Variants in NBAS observed in about 807,000 individuals in gnomAD.
NBAS encodes the protein NBAS subunit of NRZ tethering complex, also known as NAG/BC035112 fusion.
In NBAS, 219 loss-of-function variants were observed where a neutral mutation model predicts 302.5. The ratio of observed to expected loss-of-function variants is 0.72; its 90% CI spans 0.65 to 0.81. NBAS has a LOEUF of 0.81. Among genes scored for constraint, NBAS ranks in the 30% least tolerant of loss-of-function variants. The pLI is 0.00. For synonymous variants in NBAS, 1,118 were observed against 1,021.6 expected, an observed-to-expected ratio of 1.09 and a Z score of -1.80; for missense variants, 2,932 against 2,841.6, an observed-to-expected ratio of 1.03 and a Z score of -0.72.
chr2:15,337,078 G>T (rs1013382906), intron 35 of NBAS, among the ~76,000 whole-genome samples: 1 of 152,072 alleles, frequency 6.6e-6, no homozygotes, highest in Non-Finnish European at 1.5e-5. Flanking sequence ...GTTCGAGACT[G>T]GCCTGGGCAA....
chr2:15,169,978 T>C (rs537612122), intron 51 of NBAS, among the ~76,000 whole-genome samples: 1 of 152,360 alleles, frequency 6.6e-6, no homozygotes, highest in East Asian at 1.9e-4. Context: ...TGTGCCAGGA[T>C]GCTACAGGCA....
chr2:15,321,832 G>A (rs1020740786), intron 38 of NBAS, among the ~76,000 whole-genome samples: 3 of 152,076 alleles, frequency 2.0e-5, no homozygotes, highest in Non-Finnish European at 2.9e-5. Flanking sequence ...ACAGTGTGGC[G>A]GATTCCTCAA....
downstream of NBAS, chr2:15,166,826 G>A: frequency 2.0e-6 from 1 of 492,816 alleles, no homozygotes; most frequent in Non-Finnish European, 3.4e-6. Flanking sequence ...AAGGAGGGTG[G>A]GAAGGAAGAG....
chr2:15,521,543 G>A (rs1364278415), intron 9 of NBAS, among the ~76,000 whole-genome samples: 1 of 152,108 alleles, frequency 6.6e-6, no homozygotes, highest in Non-Finnish European at 1.5e-5. Flanking sequence ...TGCCTTCATG[G>A]AACTTACATT....
chr2:15,363,193 A>G (rs746087027), intron 32 of NBAS, among the ~76,000 whole-genome samples: 11 of 152,170 alleles, frequency 7.2e-5, no homozygotes, highest in Non-Finnish European at 1.3e-4. Flanking sequence ...TTCCTGACTG[A>G]CTGCCTATGG....
chr2:15,182,442 T>C (rs1164490580), intron 50 of NBAS, among the ~76,000 whole-genome samples: 3 of 152,164 alleles, frequency 2.0e-5, no homozygotes, highest in African/African-American at 7.2e-5. Context: ...CTCTTGACAT[T>C]AGCAAAAGTG....
the NBAS span, among the ~76,000 whole-genome samples, chr2:15,126,686 T>C: frequency 6.6e-6 from 1 of 152,172 alleles, no homozygotes; most frequent in Non-Finnish European, 1.5e-5. Flanking sequence ...AGCCTAGCAA[T>C]GCAGGTGGCA....
the NBAS span, among the ~76,000 whole-genome samples, chr2:14,976,604 C>T: frequency 5.3e-5 from 8 of 152,200 alleles, no homozygotes; most frequent in Non-Finnish European, 1.2e-4. Flanking sequence ...TCCAAAAATA[C>T]ATCTAAGTTC....
chr2:15,481,067 A>G (rs1276147194), intron 12 of NBAS, among the ~76,000 whole-genome samples: 1 of 152,230 alleles, frequency 6.6e-6, no homozygotes, highest in African/African-American at 2.4e-5. Flanking sequence ...TATAAATGCA[A>G]CCATAAAATA....
intron 42 of NBAS, among the ~76,000 whole-genome samples, chr2:15,278,736 A>G (rs550459587): frequency 2.6e-5 from 4 of 152,322 alleles, no homozygotes; most frequent in African/African-American, 9.6e-5. Flanking sequence ...ATGATGCAAA[A>G]CAATAGTATC....
the NBAS span, among the ~76,000 whole-genome samples, chr2:15,044,671 G>A: frequency 4.6e-5 from 7 of 152,188 alleles, no homozygotes; most frequent in Admixed American, 1.3e-4. Flanking sequence ...TCTGCATAAT[G>A]GGGGTTATAA....
the NBAS span, among the ~76,000 whole-genome samples, chr2:14,943,040 C>A: frequency 1.3e-5 from 2 of 152,220 alleles, no homozygotes; most frequent in Admixed American, 1.3e-4. Flanking sequence ...GGCTAATGAA[C>A]AGCATGTTCT....
chr2:15,240,140 T>A (rs1572507380), intron 44 of NBAS, among the ~76,000 whole-genome samples: 1 of 152,112 alleles, frequency 6.6e-6, no homozygotes, highest in Non-Finnish European at 1.5e-5. Context: ...AGATAAAGAC[T>A]CCTACGACAG....
chr2:15,422,143 T>C (rs1156774368), intron 23 of NBAS, among the ~76,000 whole-genome samples: 1 of 152,184 alleles, frequency 6.6e-6, no homozygotes, highest in Non-Finnish European at 1.5e-5. Flanking sequence ...CCATCTCCCT[T>C]AGCCCCTTGT....
At chr2:15,552,862 G>A (rs752671953) in intron 5 of NBAS, among the ~76,000 whole-genome samples, 2 of 149,790 alleles carry the variant, frequency 1.3e-5, no homozygotes, top group East Asian at 3.9e-4. Context: ...GCACAATCTC[G>A]GCTCACTGCA....
At chr2:14,944,483 C>T in the NBAS span, among the ~76,000 whole-genome samples, 4 of 152,154 alleles carry the variant, frequency 2.6e-5, no homozygotes, top group African/African-American at 9.7e-5. Flanking sequence ...CAGGATCACA[C>T]AGCCCATCAT....
the NBAS span, among the ~76,000 whole-genome samples, chr2:15,041,066 C>T: frequency 2.0e-5 from 3 of 152,188 alleles, no homozygotes; most frequent in Non-Finnish European, 2.9e-5. Flanking sequence ...ACCCACAATC[C>T]TTCAATAGGA....
chr2:14,929,966 G>A, the NBAS span, among the ~76,000 whole-genome samples: 1 of 152,158 alleles, frequency 6.6e-6, no homozygotes, highest in Non-Finnish European at 1.5e-5. Flanking sequence ...TTGTTTAAAA[G>A]TGTGTAGCAC....
chr2:14,940,275 ACT>A, the NBAS span, among the ~76,000 whole-genome samples: 10 of 152,140 alleles, frequency 6.6e-5, no homozygotes, highest in African/African-American at 2.4e-4. Context: ...TCTCATTTAC[ACT>A]GAGGTACTGT....
Sources: gnomAD v4.1 joint callset for allele counts (sites outside exome capture counted in the v4.1 genomes callset) on GRCh38, gnomAD v4.1.1 for gene constraint, MANE v1.5 for transcripts, NCBI Gene and HGNC (gene_info 2026-07-23, HGNC 2026-07-21) for gene names.